Variants in KIAA0586 observed in about 807,000 individuals in gnomAD.
The protein encoded by KIAA0586 is protein TALPID3.
Under a neutral mutation model 169.8 loss-of-function variants are expected in KIAA0586, and 144 were observed. The observed-to-expected ratio is 0.85, with a 90% CI of 0.74 to 0.97. The LOEUF is 0.97. Among genes scored for constraint, KIAA0586 ranks in the 50% least tolerant of loss-of-function variants. KIAA0586 has a pLI of 0.00. For missense variants in KIAA0586, 1,854 were observed against 1,823.0 expected, an observed-to-expected ratio of 1.02 and a Z score of -0.31; for synonymous variants, 625 against 612.4, an observed-to-expected ratio of 1.02 and a Z score of -0.30.
At chr14:58,496,216 A>T (rs2043148257) in intron 26 of KIAA0586, among the ~76,000 whole-genome samples, 1 of 152,232 alleles carries the variant, frequency 6.6e-6, no homozygotes, top group Non-Finnish European at 1.5e-5. Context: ...ACTCTGCATT[A>T]TAGGCAACCT....
At chr14:58,481,070 T>C (rs1211381875) in intron 20 of KIAA0586, among the ~76,000 whole-genome samples, 2 of 152,208 alleles carry the variant, frequency 1.3e-5, no homozygotes, top group African/African-American at 4.8e-5. Flanking sequence ...TATCAACATA[T>C]ATTGTTGAAT....
At chr14:58,465,278 G>A (rs140542577) in intron 14 of KIAA0586, among the ~76,000 whole-genome samples, 122 of 152,168 alleles carry the variant, frequency 8.0e-4, no homozygotes, top group African/African-American at 2.8e-3. Flanking sequence ...AAAAGATAAA[G>A]CTGGTTATTC....
intron 20 of KIAA0586, among the ~76,000 whole-genome samples, chr14:58,481,363 A>C (rs916607024): frequency 2.6e-5 from 4 of 152,238 alleles, no homozygotes; most frequent in Non-Finnish European, 5.9e-5. Context: ...TTTGATGTAC[A>C]TTCATGTAAG....
At position 58,442,830 on chromosome 14, in the gene KIAA0586, G is replaced by C. The variant is rs750489101; in HGVS notation, c.535G>C (p.Val179Leu). The part of the protein sequence containing the change: ...SPSGIDSATT[V>L]AAATAAAIAT... ...CAGTGGAATTGATTCAGCTACAACC[G>C]TGGCTGCAGCAACTGCTGCTGCCAT... The change falls in exon 5 of 31, where the codon GTG becomes CTG. Residue 179 changes from valine (V) to leucine (L), a missense_variant. Val to Leu is a conservative substitution (Grantham distance 32). Coordinates refer to ENST00000652326, the MANE Select transcript of KIAA0586 (RefSeq NM_001329943.3). The C allele has an allele frequency of 1.2e-5, 20 of 1,610,548 alleles. No homozygotes were observed. The highest frequency in any genetic ancestry group is 1.6e-5 in the Non-Finnish European group (19 of 1,178,400).
chr14:58,465,767 T>A (rs2040709102), intron 14 of KIAA0586, 68 bp from the exon 15 acceptor site: 7 of 984,020 alleles, frequency 7.1e-6, no homozygotes, highest in Non-Finnish European at 8.9e-6. Flanking sequence ...GCTGTTGTAT[T>A]TCTAGATGTC....
At chr14:58,448,140 A>T (rs1210323214) in intron 6 of KIAA0586, among the ~76,000 whole-genome samples, 200 bp from the exon 7 acceptor site, 1 of 152,208 alleles carries the variant, frequency 6.6e-6, no homozygotes, top group Admixed American at 6.5e-5. Flanking sequence ...AGTCAGGCTT[A>T]GTCAGATCTT....
intron 29 of KIAA0586, chr14:58,521,139 C>A (rs567644900): frequency 1.9e-6 from 1 of 536,634 alleles, no homozygotes; most frequent in South Asian, 2.0e-5. Context: ...AGAATCGAAT[C>A]TCTTCTGCCT....
chr14:58,465,163 T>C (rs1460476846), intron 14 of KIAA0586, among the ~76,000 whole-genome samples: 1 of 152,200 alleles, frequency 6.6e-6, no homozygotes, highest in Non-Finnish European at 1.5e-5. Context: ...CCTGGGTAAT[T>C]GAGACAGGGA....
At chr14:58,510,000 T>C (rs2044271319) in intron 28 of KIAA0586, among the ~76,000 whole-genome samples, 1 of 151,992 alleles carries the variant, frequency 6.6e-6, no homozygotes, top group Admixed American at 6.6e-5. Flanking sequence ...AAACAAACAA[T>C]CCAGTTGAAA....
At position 58,456,669 on chromosome 14, in the gene KIAA0586, C is replaced by A. The variant is rs768486477; in HGVS notation, c.1254-33C>A. 1.0e-5 allele frequency: 13 copies of A among 1,244,800 alleles called. No homozygotes were observed. The Admixed American group carries it at 2.6e-4, about 25-fold the overall frequency. The allele number at this position is 1,244,800 out of a possible 1,614,324, so 77.1% of individuals were successfully genotyped here. ...CAATTTAGGAAACTTTTTCAAAAAT[C>A]TTCTGTAGCGTTGAAACTCTACCTT... On this transcript the variant is annotated intron_variant, in intron 9 of 30. Transcript: ENST00000652326.
At chr14:58,522,450 G>A (rs2045293622) in intron 29 of KIAA0586, among the ~76,000 whole-genome samples, 1 of 152,170 alleles carries the variant, frequency 6.6e-6, no homozygotes, top group African/African-American at 2.4e-5. Flanking sequence ...TGTGCTGTGT[G>A]AGGCAGTTCA....
Position 58,442,742 on chromosome 14 carries a change from A to G in KIAA0586, c.447A>G (p.Val149=), listed in dbSNP as rs1436359636. 4.9e-5 allele frequency: 77 copies of G among 1,586,772 alleles called. No individual in the cohort carries two copies. The highest frequency in any genetic ancestry group is 6.6e-5 in the Non-Finnish European group (77 of 1,165,050). Residue 149 remains valine (V), a synonymous_variant, in exon 5 of 31, where the codon GTA becomes GTG. Transcript: ENST00000652326. ...TGCCTGTTTTTAAGGAAGTAAAGGT[A>G]CATCTGTTAGAAGATGCAGGCATAG... ...QSMPVFKEVK[V]HLLEDAGIEK... is the part of the protein sequence containing the mutation.
intron 14 of KIAA0586, among the ~76,000 whole-genome samples, 178 bp from the exon 15 acceptor site, chr14:58,465,657 A>G (rs1383075593): frequency 6.6e-6 from 1 of 152,146 alleles, no homozygotes; most frequent in Non-Finnish European, 1.5e-5. Flanking sequence ...ACAAATATTT[A>G]CTGTCTGGCC....
At chr14:58,493,047 A>G (rs1298165673) in intron 26 of KIAA0586, among the ~76,000 whole-genome samples, 1 of 152,138 alleles carries the variant, frequency 6.6e-6, no homozygotes, top group Non-Finnish European at 1.5e-5. Context: ...TGCCTTAGGA[A>G]GGAGTATGAA....
chr14:58,438,220 T>G (rs1385022389), intron 4 of KIAA0586, among the ~76,000 whole-genome samples: 1 of 152,096 alleles, frequency 6.6e-6, no homozygotes, highest in African/African-American at 2.4e-5. Context: ...TTTTGACATT[T>G]ATATGTCGTA....
rs867510932 is a variant in KIAA0586 at position 58,451,825 on chromosome 14, A to T, written c.1129+1079A>T. Among the ~76,000 whole-genome samples the T allele has an allele frequency of 3.7e-4, 56 of 152,142 alleles. 1 individual carries two copies. The highest frequency in any genetic ancestry group is 1.2e-3 in the South Asian group (6 of 4,812). ...CAGCCTCCCGAGTAGCTGGGACTAC[A>T]GGCGCCCGCCACCACGCCTGGCTAA... On this transcript the variant is annotated intron_variant, in intron 8 of 30. Transcript: ENST00000652326.
chr14:58,509,943 A>T (rs1027003301), intron 28 of KIAA0586, among the ~76,000 whole-genome samples: 5 of 152,226 alleles, frequency 3.3e-5, no homozygotes, highest in Non-Finnish European at 5.9e-5. Context: ...CTTATCAAAG[A>T]CTTCTGTTCA....
At chr14:58,526,890 T>G (rs911694638) in intron 29 of KIAA0586, among the ~76,000 whole-genome samples, 32 of 152,144 alleles carry the variant, frequency 2.1e-4, no homozygotes, top group African/African-American at 7.5e-4. Flanking sequence ...GTATATTGCC[T>G]TAATCAGAAT....
At chr14:58,454,986 A>C (rs2039699250) in intron 9 of KIAA0586, among the ~76,000 whole-genome samples, 1 of 152,216 alleles carries the variant, frequency 6.6e-6, no homozygotes, top group South Asian at 2.1e-4. Flanking sequence ...GGTGTCCCAC[A>C]GGTCTCTAAG....
Sources: gnomAD v4.1 joint callset for allele counts (sites outside exome capture counted in the v4.1 genomes callset) on GRCh38, gnomAD v4.1.1 for gene constraint, MANE v1.5 for transcripts, NCBI Gene and HGNC (gene_info 2026-07-23, HGNC 2026-07-21) for gene names.